Variants in LNX1 observed in about 807,000 individuals in gnomAD.
The protein encoded by LNX1 is ligand of numb-protein X 1, also known as E3 ubiquitin-protein ligase LNX.
Under a neutral mutation model 68.4 loss-of-function variants are expected in LNX1, and 54 were observed. That is an observed-to-expected ratio of 0.79 (90% CI 0.63 to 0.99). The LOEUF is 0.99. Among genes scored for constraint, LNX1 ranks in the 50% least tolerant of loss-of-function variants. LNX1 has a pLI of 0.00. For missense variants in LNX1, 906 were observed against 926.4 expected (o/e 0.98, Z 0.29); for synonymous variants, 336 against 350.0 (o/e 0.96, Z 0.45).
At chr4:53,473,512 G>A (rs1249601995) in intron 9 of LNX1, among the ~76,000 whole-genome samples, 2 of 152,154 alleles carry the variant, frequency 1.3e-5, no homozygotes, top group Non-Finnish European at 2.9e-5. Context: ...GAATACGGAT[G>A]GATCTGGAGG....
intron 9 of LNX1, among the ~76,000 whole-genome samples, chr4:53,473,648 A>G (rs1217971121): frequency 6.6e-6 from 1 of 152,140 alleles, no homozygotes; most frequent in Non-Finnish European, 1.5e-5. Context: ...ACCAGGGCCT[A>G]CTTGAGGGTG....
intron 2 of LNX1, chr4:53,603,993 C>G (rs1049158433): frequency 3.9e-5 from 6 of 152,174 alleles, no homozygotes; most frequent in African/African-American, 1.4e-4. Flanking sequence ...GTTACATGGG[C>G]TATCATATTG....
intron 1 of LNX1, among the ~76,000 whole-genome samples, chr4:53,649,147 C>T (rs908576952): frequency 6.6e-6 from 1 of 152,128 alleles, no homozygotes; most frequent in African/African-American, 2.4e-5. Context: ...TTTTACAATG[C>T]CAAAATCTAT....
chr4:53,547,319 T>A (rs1445255286), intron 2 of LNX1, among the ~76,000 whole-genome samples: 1 of 152,260 alleles, frequency 6.6e-6, no homozygotes. Context: ...AAGGGTTTCC[T>A]ATGTACCAGG....
intron 2 of LNX1, among the ~76,000 whole-genome samples, chr4:53,518,073 G>GA (rs1230841601): frequency 6.6e-6 from 1 of 152,112 alleles, no homozygotes; most frequent in African/African-American, 2.4e-5. Flanking sequence ...CACCAGACAG[G>GA]AAAAATTCAA....
rs79442539 is a variant in LNX1, at chr4:53,577,413, G to T, written c.-86-3325C>A. ...CGGCCATACCACTGAAAATACAACT[G>T]CATGTTTCTGGGCCATTCCCTTGTT... is the stretch of plus-strand genomic sequence containing the variant. On this transcript the variant is annotated intron_variant, in intron 1 of 10. Transcript: ENST00000263925. Among the ~76,000 whole-genome samples, 1,374 of 152,210 alleles carry T rather than the reference G, an allele frequency of 9.0e-3. 19 individuals are homozygous for T. The highest frequency in any genetic ancestry group is 0.026 in the African/African-American group (1,092 of 41,532).
chr4:53,558,029 C>T (rs757281235), intron 2 of LNX1: 77 of 1,603,484 alleles, frequency 4.8e-5, no homozygotes, highest in Non-Finnish European at 6.3e-5. Context: ...CCCAAACCAG[C>T]CAAGCTCCTT....
intron 6 of LNX1, among the ~76,000 whole-genome samples, chr4:53,494,335 G>A (rs1724907309): frequency 6.6e-6 from 1 of 152,184 alleles, no homozygotes; most frequent in Admixed American, 6.5e-5. Context: ...GTGGAACTGT[G>A]GATCCATTAA....
chr4:53,580,366 C>G (rs545973129), intron 1 of LNX1, among the ~76,000 whole-genome samples: 3 of 152,322 alleles, frequency 2.0e-5, no homozygotes, highest in Non-Finnish European at 4.4e-5. Flanking sequence ...ATCTCTTCTG[C>G]AAGCTCCCCA....
intron 2 of LNX1, among the ~76,000 whole-genome samples, chr4:53,610,576 T>C (rs953636977): frequency 5.3e-5 from 8 of 151,706 alleles, no homozygotes; most frequent in Non-Finnish European, 1.2e-4. Context: ...GGCGTGGTGG[T>C]GGGCACCTGT....
intron 2 of LNX1, among the ~76,000 whole-genome samples, chr4:53,606,616 A>G (rs998309393): frequency 1.3e-5 from 2 of 152,226 alleles, no homozygotes; most frequent in African/African-American, 2.4e-5. Flanking sequence ...TCTATTTGGT[A>G]TCATCCTGAT....
intron 4 of LNX1, among the ~76,000 whole-genome samples, chr4:53,501,311 G>GGGGC (rs1553932778): frequency 3.6e-5 from 2 of 55,696 alleles, no homozygotes; most frequent in Non-Finnish European, 3.6e-5. Flanking sequence ...GGGGTGGGGG[G>GGGGC]ACAGGATCTC....
At chr4:53,514,224 T>A (rs1726573646) in intron 2 of LNX1, among the ~76,000 whole-genome samples, 1 of 152,212 alleles carries the variant, frequency 6.6e-6, no homozygotes, top group African/African-American at 2.4e-5. Flanking sequence ...AATTGTTTTA[T>A]CTCCAGTGCC....
intron 1 of LNX1, among the ~76,000 whole-genome samples, chr4:53,640,337 G>A (rs1482071973): frequency 6.6e-6 from 1 of 152,200 alleles, no homozygotes; most frequent in Admixed American, 6.5e-5. Context: ...CTTTGGGAGA[G>A]CATCCTTAGC....
At chr4:53,572,116 G>C (rs955584295) in intron 2 of LNX1, among the ~76,000 whole-genome samples, 1 of 152,142 alleles carries the variant, frequency 6.6e-6, no homozygotes, top group African/African-American at 2.4e-5. Flanking sequence ...CCCTTGCCCA[G>C]TGTGGCTCCC....
intron 9 of LNX1, among the ~76,000 whole-genome samples, chr4:53,476,246 C>T (rs973366377): frequency 2.7e-4 from 41 of 151,930 alleles, no homozygotes; most frequent in Non-Finnish European, 2.6e-4. Flanking sequence ...TGCAGTGAGC[C>T]GAGATTGCAC....
At chr4:53,513,408 A>G (rs1726515130) in intron 2 of LNX1, among the ~76,000 whole-genome samples, 1 of 152,156 alleles carries the variant, frequency 6.6e-6, no homozygotes, top group Non-Finnish European at 1.5e-5. Flanking sequence ...CTCTGAAGCC[A>G]GGCTGTGGGT....
At chr4:53,641,379 G>A (rs1044733291) in intron 1 of LNX1, among the ~76,000 whole-genome samples, 2 of 152,244 alleles carry the variant, frequency 1.3e-5, no homozygotes, top group African/African-American at 2.4e-5. Context: ...CCACCAATAA[G>A]CTGATGAATT....
intron 1 of LNX1, among the ~76,000 whole-genome samples, chr4:53,643,970 G>A (rs776113435): frequency 2.6e-5 from 4 of 152,138 alleles, no homozygotes; most frequent in Non-Finnish European, 5.9e-5. Flanking sequence ...GCCACAGTTG[G>A]TGTACATTTT....
Sources: gnomAD v4.1 joint callset for allele counts (sites outside exome capture counted in the v4.1 genomes callset) on GRCh38, gnomAD v4.1.1 for gene constraint, MANE v1.5 for transcripts, NCBI Gene and HGNC (gene_info 2026-07-23, HGNC 2026-07-21) for gene names.